Variants in ATM observed in about 807,000 individuals in gnomAD.
ATM encodes the protein serine-protein kinase ATM.
ATM carries 308 observed loss-of-function variants against 387.0 expected under a neutral mutation model. The observed-to-expected ratio is 0.80, with a 90% CI of 0.73 to 0.87. ATM has a LOEUF of 0.87. ATM is among the 40% of genes least tolerant of loss of function. The pLI is 0.00. For synonymous variants in ATM, 1,156 were observed against 1,187.3 expected (o/e 0.97, Z 0.54); for missense variants, 3,312 against 3,560.9 (o/e 0.93, Z 1.78).
At chr11:108,291,920 A>C (rs2082816841) in intron 29 of ATM, among the ~76,000 whole-genome samples, 1 of 152,168 alleles carries the variant, frequency 6.6e-6, no homozygotes, top group Non-Finnish European at 1.5e-5. Context: ...GGTGCTTTTG[A>C]ATATACTAAT....
intron 56 of ATM, chr11:108,336,311 A>AAAG (rs375553417): frequency 5.7e-4 from 111 of 195,980 alleles, no homozygotes; most frequent in Admixed American, 8.1e-4. Context: ...CCCGTTTAAA[A>AAAG]AAGAAGAAGA....
chr11:108,318,583 G>A (rs1383878536), intron 43 of ATM, among the ~76,000 whole-genome samples: 7 of 151,760 alleles, frequency 4.6e-5, no homozygotes, highest in South Asian at 2.1e-4. Context: ...CAAGCTACTC[G>A]GGAGGCTGAG....
chr11:108,299,957 G>T, intron 34 of ATM, 72 bp downstream of exon 34: 3 of 1,389,644 alleles, frequency 2.2e-6, no homozygotes, highest in Non-Finnish European at 3.0e-6. Context: ...CACACAAATA[G>T]ATATTCTCAG....
chr11:108,305,172 G>GA (rs1194165728), intron 37 of ATM, among the ~76,000 whole-genome samples: 3 of 152,200 alleles, frequency 2.0e-5, no homozygotes, highest in Admixed American at 2.0e-4. Context: ...ATGTGAAAAA[G>GA]AAACACCCAC....
At position 108,279,547 on chromosome 11, in the gene ATM, A is replaced by T. The variant is rs777705500; in HGVS notation, c.3341A>T (p.Lys1114Met). The T allele has an allele frequency of 8.7e-6, 14 of 1,613,870 alleles. No individual in the cohort carries two copies. The highest frequency in any genetic ancestry group is 1.2e-5 in the Non-Finnish European group (14 of 1,179,870). The change falls in exon 23 of 63, where the codon AAG becomes ATG. Residue 1114 changes from lysine to methionine, a missense_variant. By Grantham distance (95) the Lys-to-Met change is moderately conservative (BLOSUM62 -1). Transcript: ENST00000675843. ...AGGTTACTGAAAGCACTTCCTTTGA[A>T]GCTTCAGCAAACAGCTTTTGAAAAT... The part of the protein sequence containing the change: ...SSRLLKALPL[K>M]LQQTAFENAY...
rs876659304 is a variant in ATM at position 108,227,693 on chromosome 11, A to G, written c.69A>G (p.Arg23=). The change falls in exon 2 of 63, where the codon CGA becomes CGG. Residue 23 remains arginine (R), a synonymous_variant. Transcript: ENST00000675843. ...RQLEHDRATE[R]KKEVEKFKRL... ...TAGAACATGATAGAGCTACAGAACGAAAGGTAGTAAATTACTTAAATTCAA... is the reference window on the plus strand; with the variant it reads ...TAGAACATGATAGAGCTACAGAACGGAAGGTAGTAAATTACTTAAATTCAA... 6.2e-7 allele frequency: 1 copy of G among 1,613,418 alleles called. No individual in the cohort carries two copies. The highest frequency in any genetic ancestry group is 8.5e-7 in the Non-Finnish European group (1 of 1,179,726).
rs1555124455 is a variant in ATM, at chr11:108,331,879, C to A, written c.7630C>A (p.Leu2544Ile). Reference sequence around the variant, plus strand: ...AAATCTAATAGTTCTTTTCTTACAGCTAATCTCTAGAATTTCAATGGATCA... The same window carrying A: ...AAATCTAATAGTTCTTTTCTTACAGATAATCTCTAGAATTTCAATGGATCA... ...GLGFHEVLNN[L>I]ISRISMDHPH... Residue 2544 changes from leucine to isoleucine, a missense_variant and splice_region_variant, in exon 52 of 63, where the codon CTA becomes ATA. Around this residue, in one of 4 missense-constraint regions of ATM, gnomAD observed 1,405 missense variants for 1,604.4 expected, o/e 0.88. Transcript: ENST00000675843. 1 of 1,613,154 alleles carries A rather than the reference C, an allele frequency of 6.2e-7. No individual in the cohort carries two copies. The highest frequency in any genetic ancestry group is 1.1e-5 in the South Asian group (1 of 91,050).
chr11:108,284,484 A>C lies in ATM; in HGVS notation c.3993+11A>C. 1.2e-6 allele frequency: 2 copies of C among 1,613,636 alleles called. No individual in the cohort carries two copies. Among genetic ancestry groups the C allele is most frequent in the Non-Finnish European group, 1.7e-6 (2 of 1,179,712 alleles). On this transcript the variant is annotated intron_variant, in intron 26 of 62. Transcript: ENST00000675843. Reference sequence around the variant, plus strand: ...TTATTGGGAAAACAGGTATGGCTTCAATTTTTATGTACTTTTCATTCCCTG... The same window carrying C: ...TTATTGGGAAAACAGGTATGGCTTCCATTTTTATGTACTTTTCATTCCCTG...
intron 39 of ATM, among the ~76,000 whole-genome samples, chr11:108,311,612 C>T (rs758888424): frequency 2.5e-4 from 38 of 151,918 alleles, no homozygotes; most frequent in Admixed American, 3.9e-4. Flanking sequence ...GGAGGAGGAT[C>T]GCTTGAGCCC....
chr11:108,288,212 G>A (rs1235204692), intron 27 of ATM, among the ~76,000 whole-genome samples: 8 of 151,852 alleles, frequency 5.3e-5, no homozygotes, highest in Admixed American at 4.6e-4. Context: ...TAGCTGGGAC[G>A]ACAGATGCAC....
At chr11:108,260,261 C>T (rs12788725) in intron 16 of ATM, among the ~76,000 whole-genome samples, 1 of 152,078 alleles carries the variant, frequency 6.6e-6, no homozygotes, top group African/African-American at 2.4e-5. Flanking sequence ...TCTAGAATTC[C>T]TGACCTCAAA....
intron 56 of ATM, among the ~76,000 whole-genome samples, chr11:108,342,763 A>G (rs1187360291): frequency 6.6e-6 from 1 of 152,240 alleles, no homozygotes; most frequent in African/African-American, 2.4e-5. Context: ...TGTGAAGATA[A>G]TAAGACTAAA....
At chr11:108,353,740 T>C in intron 59 of ATM, 26 bp from the exon 60 acceptor site, 4 of 1,554,826 alleles carry the variant, frequency 2.6e-6, no homozygotes, top group Middle Eastern at 1.7e-4. Flanking sequence ...TCAAACCTCC[T>C]AACTTCACTG....
chr11:108,281,464 G>A (rs2082229408), intron 24 of ATM, among the ~76,000 whole-genome samples: 1 of 152,152 alleles, frequency 6.6e-6, no homozygotes, highest in Non-Finnish European at 1.5e-5. Context: ...TTTATTGAGG[G>A]AAACACATGG....
rs2086019895 is a variant in ATM, at chr11:108,329,362, C to G, written c.7307+124C>G. 16 of 875,970 alleles carry G rather than the reference C, an allele frequency of 1.8e-5. 1 individual carries two copies. Among genetic ancestry groups the G allele is most frequent in the South Asian group, 1.5e-4 (9 of 61,434 alleles). 54.3% of individuals were successfully genotyped at this position (875,970 alleles called of 1,614,324 possible). ...TTTTGAGCTCTAAAGGTCGGCTTAA[C>G]TATATATAGATTATCTTGGTCTTTT... On this transcript the variant is annotated intron_variant, in intron 49 of 62. Coordinates refer to ENST00000675843, the MANE Select transcript of ATM (RefSeq NM_000051.4).
In ATM at chr11:108,299,631, T is replaced by C. The variant is rs554115593; in HGVS notation, c.5006-83T>C. 34 of 1,360,774 alleles carry C rather than the reference T, an allele frequency of 2.5e-5. No homozygotes were observed. In the East Asian group the frequency reaches 5.5e-4, roughly 22 times the overall value. 84.3% of individuals were successfully genotyped at this position (1,360,774 alleles called of 1,614,324 possible). On this transcript the variant is annotated intron_variant, in intron 33 of 62. Coordinates refer to ENST00000675843, the MANE Select transcript of ATM (RefSeq NM_000051.4). ...ATTCTTGAAGTACAGAAAAACAGCA[T>C]TATAGTTTTGAAATTAGAAAATTTC...
In ATM at chr11:108,268,568, TCTAGCA is replaced by T; in HGVS notation, c.2799_2804del (p.Ser934_Thr935del). On this transcript the variant is annotated inframe_deletion, in exon 18 of 63. Coordinates refer to ENST00000675843, the MANE Select transcript of ATM (RefSeq NM_000051.4). ...GAGGAAATTGTTAATGTTAATTGAT[TCTAGCA>T]CGCTAGAACCTACCAAATCCCTCCA... The T allele has an allele frequency of 6.2e-7, 1 of 1,614,098 alleles. No individual in the cohort carries two copies.
chr11:108,233,816 C>T (rs1223224452), intron 4 of ATM, among the ~76,000 whole-genome samples: 1 of 151,964 alleles, frequency 6.6e-6, no homozygotes, highest in East Asian at 1.9e-4. Context: ...CACTGCACTC[C>T]AGCTTGGGTG....
Position 108,287,502 on chromosome 11 carries a change from C to G in ATM, c.3994-98C>G. The G allele has an allele frequency of 4.1e-6, 3 of 730,354 alleles. No homozygotes were observed. The South Asian group carries it at 5.6e-5, about 14-fold the overall frequency. The allele number at this position is 730,354 out of a possible 1,614,324, so 45.2% of individuals were successfully genotyped here. On this transcript the variant is annotated intron_variant, in intron 26 of 62. Transcript: ENST00000675843. ...GTCATCTATTTTCTTTTACAGTCAT[C>G]GAATACTTTTGGAAATAAGGTAATA...
Sources: gnomAD v4.1 joint callset for allele counts (sites outside exome capture counted in the v4.1 genomes callset) on GRCh38, gnomAD v4.1.1 for gene constraint, gnomAD v4.1.1 regional missense constraint, MANE v1.5 for transcripts, NCBI Gene and HGNC (gene_info 2026-07-23, HGNC 2026-07-21) for gene names.